The following UBE2E2 variants were observed in gnomAD, a reference collection of about 807,000 sequenced individuals.
UBE2E2 encodes the protein ubiquitin conjugating enzyme E2 E2.
In UBE2E2, 6 loss-of-function variants were observed where a neutral mutation model predicts 24.7. The observed-to-expected ratio is 0.24, with a 90% CI of 0.13 to 0.48. UBE2E2 has a LOEUF of 0.48. UBE2E2 is among the 20% of genes least tolerant of loss of function. The pLI is 0.99. For synonymous variants in UBE2E2, 104 were observed against 83.6 expected, an observed-to-expected ratio of 1.24 and a Z score of -1.33; for missense variants, 169 against 245.0, an observed-to-expected ratio of 0.69 and a Z score of 2.07.
At chr3:23,242,908 A>G (rs1002946766) in intron 3 of UBE2E2, among the ~76,000 whole-genome samples, 5 of 152,020 alleles carry the variant, frequency 3.3e-5, no homozygotes, top group African/African-American at 1.2e-4. Context: ...CAACATGGTG[A>G]AACCCTGTCT....
chr3:23,440,246 C>T (rs145591607), intron 3 of UBE2E2, among the ~76,000 whole-genome samples: 183 of 152,142 alleles, frequency 1.2e-3, no homozygotes, highest in African/African-American at 4.2e-3. Flanking sequence ...TGCACTCTAG[C>T]CTGAGTGACA....
intron 3 of UBE2E2, among the ~76,000 whole-genome samples, chr3:23,272,051 C>T (rs2125363887): frequency 6.6e-6 from 1 of 152,320 alleles, no homozygotes; most frequent in East Asian, 1.9e-4. Context: ...CTTGGGCAGT[C>T]AATGGGACTG....
At chr3:23,323,477 G>T in intron 3 of UBE2E2, 1 of 427,266 alleles carries the variant, frequency 2.3e-6, no homozygotes, top group South Asian at 1.7e-5. Flanking sequence ...TCCCAAATTC[G>T]AAAATTCAAA....
intron 4 of UBE2E2, among the ~76,000 whole-genome samples, chr3:23,530,245 A>C (rs1427095649): frequency 6.6e-6 from 1 of 152,086 alleles, no homozygotes; most frequent in Non-Finnish European, 1.5e-5. Flanking sequence ...TTGTGTCTTC[A>C]TTCACTCCCT....
At chr3:23,525,649 G>A (rs1004181170) in intron 4 of UBE2E2, among the ~76,000 whole-genome samples, 2 of 152,328 alleles carry the variant, frequency 1.3e-5, no homozygotes, top group African/African-American at 4.8e-5. Context: ...CAATGTAGGC[G>A]TAACTAGTTT....
intron 3 of UBE2E2, among the ~76,000 whole-genome samples, chr3:23,244,133 T>G (rs17012905): frequency 0.5 from 15,815 of 31,566 alleles, 973 homozygotes; most frequent in East Asian, 0.51. Context: ...GCATTTCATT[T>G]GGAAAAAAAA....
chr3:23,361,150 A>G (rs1696104032), intron 3 of UBE2E2, among the ~76,000 whole-genome samples: 2 of 152,194 alleles, frequency 1.3e-5, no homozygotes. Flanking sequence ...TCCTGTAAGA[A>G]TGGCCATAAT....
intron 2 of UBE2E2, among the ~76,000 whole-genome samples, chr3:23,216,391 G>A (rs562217401): frequency 1.8e-4 from 27 of 152,226 alleles, no homozygotes; most frequent in African/African-American, 5.8e-4. Flanking sequence ...ACTTTAATCA[G>A]TTATTATTGA....
intron 3 of UBE2E2, among the ~76,000 whole-genome samples, chr3:23,285,916 C>G (rs895969789): frequency 6.6e-6 from 1 of 152,128 alleles, no homozygotes; most frequent in African/African-American, 2.4e-5. Flanking sequence ...CAGCTGGTCT[C>G]AAATTCTTGA....
chr3:23,548,087 A>G (rs1430252858), intron 5 of UBE2E2, among the ~76,000 whole-genome samples: 2 of 152,170 alleles, frequency 1.3e-5, no homozygotes, highest in Admixed American at 1.3e-4. Flanking sequence ...ACTGGCTTTT[A>G]TATACATATG....
intron 3 of UBE2E2, among the ~76,000 whole-genome samples, chr3:23,311,558 T>C (rs892129554): frequency 2.6e-5 from 4 of 152,162 alleles, no homozygotes; most frequent in Non-Finnish European, 5.9e-5. Context: ...TGCCAGTGGC[T>C]GCTTGTACAA....
chr3:23,332,014 T>G (rs531794872), intron 3 of UBE2E2, among the ~76,000 whole-genome samples: 77 of 152,338 alleles, frequency 5.1e-4, no homozygotes, highest in Non-Finnish European at 9.1e-4. Context: ...GTCCTATGCT[T>G]CTTTACCTTA....
At chr3:23,246,081 A>G (rs972040206) in intron 3 of UBE2E2, among the ~76,000 whole-genome samples, 43 of 152,146 alleles carry the variant, frequency 2.8e-4, no homozygotes, top group African/African-American at 8.4e-4. Context: ...GTCTTGTTCT[A>G]TCACCCAAGC....
At chr3:23,339,764 T>C (rs1170705139) in intron 3 of UBE2E2, among the ~76,000 whole-genome samples, 1 of 152,062 alleles carries the variant, frequency 6.6e-6, no homozygotes, top group Non-Finnish European at 1.5e-5. Flanking sequence ...ACAGATGTAT[T>C]TTTATTGTGT....
At chr3:23,450,713 G>A (rs73043614) in intron 3 of UBE2E2, among the ~76,000 whole-genome samples, 71,154 of 151,832 alleles carry the variant, frequency 0.47, 17,010 homozygotes, top group East Asian at 0.72. Flanking sequence ...TCTACTTTAC[G>A]TTTTAATTTG....
chr3:23,350,467 C>G (rs1695709955), intron 3 of UBE2E2, among the ~76,000 whole-genome samples: 1 of 151,988 alleles, frequency 6.6e-6, no homozygotes, highest in African/African-American at 2.4e-5. Flanking sequence ...AAACCAAAGG[C>G]AAAGAAGTAA....
chr3:23,277,619 AAG>A (rs1698400287), intron 3 of UBE2E2, among the ~76,000 whole-genome samples: 1 of 152,126 alleles, frequency 6.6e-6, no homozygotes, highest in Admixed American at 6.5e-5. Context: ...AATGATAAGA[AAG>A]AGTCCTAAAT....
chr3:23,451,059 C>G (rs973042907), intron 3 of UBE2E2, among the ~76,000 whole-genome samples: 1 of 152,104 alleles, frequency 6.6e-6, no homozygotes, highest in Non-Finnish European at 1.5e-5. Flanking sequence ...ACTTTTTGTA[C>G]TATCTTTGCA....
chr3:23,303,591 C>G (rs1232013108), intron 3 of UBE2E2, among the ~76,000 whole-genome samples: 1 of 152,076 alleles, frequency 6.6e-6, no homozygotes, highest in East Asian at 1.9e-4. Context: ...AAACATTACT[C>G]TTAGGTAATA....
Sources: allele counts gnomAD v4.1 joint callset (sites outside exome capture counted in the v4.1 genomes callset), GRCh38; gene constraint gnomAD v4.1.1; transcripts MANE v1.5; gene names NCBI Gene and HGNC (gene_info 2026-07-23, HGNC 2026-07-21).